TMEM44: variants seen among roughly 807,000 people sequenced by gnomAD.
The protein encoded by TMEM44 is transmembrane protein 44.
Under a neutral mutation model 47.8 loss-of-function variants are expected in TMEM44, and 43 were observed. The observed-to-expected ratio is 0.90, with a 90% CI of 0.70 to 1.16. The LOEUF is 1.16. TMEM44 is among the 50% of genes most tolerant of loss of function. The pLI is 0.00. For missense variants in TMEM44, 568 were observed against 555.2 expected, an observed-to-expected ratio of 1.02 and a Z score of -0.23; for synonymous variants, 277 against 238.8, an observed-to-expected ratio of 1.16 and a Z score of -1.48.
At chr3:194,621,788 C>T (rs1302184924) in intron 5 of TMEM44, among the ~76,000 whole-genome samples, 1 of 151,952 alleles carries the variant, frequency 6.6e-6, no homozygotes, top group Non-Finnish European at 1.5e-5. Context: ...ACGATCTCGG[C>T]TCACTGCAAC....
intron 5 of TMEM44, among the ~76,000 whole-genome samples, chr3:194,620,479 C>G (rs548273321): frequency 1.3e-5 from 2 of 152,092 alleles, no homozygotes; most frequent in Non-Finnish European, 2.9e-5. Context: ...TGTTTGCTGA[C>G]TCCTACCATG....
intron 9 of TMEM44, 84 bp downstream of exon 9, chr3:194,604,203 G>A: frequency 6.7e-7 from 1 of 1,495,840 alleles, no homozygotes; most frequent in Non-Finnish European, 9.1e-7. Flanking sequence ...GATGAGAACA[G>A]CTGCACAAGC....
intron 8 of TMEM44, among the ~76,000 whole-genome samples, chr3:194,609,324 A>G (rs1715077240): frequency 6.6e-6 from 1 of 152,144 alleles, no homozygotes; most frequent in African/African-American, 2.4e-5. Context: ...TGCAGGGCCC[A>G]CCAGGAGCAG....
intron 3 of TMEM44, among the ~76,000 whole-genome samples, chr3:194,625,432 G>GT (rs1351526434): frequency 2.1e-5 from 2 of 95,324 alleles, no homozygotes; most frequent in South Asian, 3.7e-4. Flanking sequence ...TTCTTTTTTG[G>GT]GGGGGGGGGG....
intron 7 of TMEM44, among the ~76,000 whole-genome samples, chr3:194,614,547 G>A (rs1715677964): frequency 6.6e-6 from 1 of 152,092 alleles, no homozygotes. Flanking sequence ...GGGACTACAG[G>A]CACACACCAC....
intron 6 of TMEM44, 45 bp from the exon 7 acceptor site, chr3:194,615,742 C>T: frequency 6.2e-7 from 1 of 1,604,506 alleles, no homozygotes. Flanking sequence ...ATTCCAGCTG[C>T]CTAGCGTGGC....
intron 9 of TMEM44, among the ~76,000 whole-genome samples, chr3:194,591,997 T>C (rs7640761): frequency 0.14 from 20,616 of 151,986 alleles, 1,639 homozygotes; most frequent in East Asian, 0.24. Flanking sequence ...GGCGGGTGGA[T>C]CATGAGGTCA....
At chr3:194,619,992 T>C (rs1716342596) in intron 5 of TMEM44, among the ~76,000 whole-genome samples, 1 of 151,972 alleles carries the variant, frequency 6.6e-6, no homozygotes, top group Admixed American at 6.6e-5. Flanking sequence ...AGTTCTTCCT[T>C]TTACTCAACA....
chr3:194,627,547 G>C (rs1289224855), intron 2 of TMEM44, among the ~76,000 whole-genome samples: 1 of 152,196 alleles, frequency 6.6e-6, no homozygotes, highest in Non-Finnish European at 1.5e-5. Context: ...CATAAGCTGG[G>C]GCTGGGTCAA....
intron 9 of TMEM44, among the ~76,000 whole-genome samples, chr3:194,594,668 T>C (rs1359275373): frequency 6.7e-6 from 1 of 150,062 alleles, no homozygotes; most frequent in Non-Finnish European, 1.5e-5. Flanking sequence ...ATTACTAAAC[T>C]GATGGTTCCA....
At chr3:194,622,001 C>T (rs762223466) in intron 5 of TMEM44, among the ~76,000 whole-genome samples, 24 of 152,208 alleles carry the variant, frequency 1.6e-4, no homozygotes, top group African/African-American at 3.6e-4. Flanking sequence ...CATGAGCCAC[C>T]GCACCCAGCT....
intron 1 of TMEM44, among the ~76,000 whole-genome samples, chr3:194,630,340 C>T (rs2614758): frequency 1.8e-4 from 12 of 67,680 alleles, no homozygotes; most frequent in Admixed American, 4.9e-4. Context: ...ACTGATAGGG[C>T]CCCTGAAATG....
chr3:194,602,865 T>G (rs765008155), intron 9 of TMEM44, among the ~76,000 whole-genome samples: 2 of 152,190 alleles, frequency 1.3e-5, no homozygotes, highest in Non-Finnish European at 2.9e-5. Context: ...TCAACCAATC[T>G]AGGGGACTTA....
chr3:194,626,063 G>T, intron 2 of TMEM44, 73 bp from the exon 3 acceptor site: 1 of 1,233,516 alleles, frequency 8.1e-7, no homozygotes, highest in Admixed American at 1.7e-5. Flanking sequence ...TGTCATCCGG[G>T]ACCCTGTATC....
chr3:194,627,365 G>A (rs1487784700), intron 2 of TMEM44, among the ~76,000 whole-genome samples: 1 of 152,190 alleles, frequency 6.6e-6, no homozygotes, highest in East Asian at 1.9e-4. Context: ...ACCAAGACCA[G>A]TCCCATGAGG....
At chr3:194,617,999 G>A (rs1222591161) in intron 5 of TMEM44, among the ~76,000 whole-genome samples, 1 of 152,158 alleles carries the variant, frequency 6.6e-6, no homozygotes, top group Admixed American at 6.6e-5. Flanking sequence ...CTCCCCAGAA[G>A]CCCAGCAGAT....
At chr3:194,597,538 T>TA (rs2109156441) in intron 9 of TMEM44, among the ~76,000 whole-genome samples, 1 of 151,568 alleles carries the variant, frequency 6.6e-6, no homozygotes, top group Non-Finnish European at 1.5e-5. Flanking sequence ...CAGGTGCCTG[T>TA]AGTCCCAGCT....
chr3:194,592,295 A>T (rs988201900), intron 9 of TMEM44, among the ~76,000 whole-genome samples: 1 of 152,112 alleles, frequency 6.6e-6, no homozygotes, highest in Admixed American at 6.6e-5. Flanking sequence ...ATCCATTTTC[A>T]TATCAGAAAC....
intron 9 of TMEM44, among the ~76,000 whole-genome samples, chr3:194,597,609 G>A (rs1182229865): frequency 6.7e-6 from 1 of 148,846 alleles, no homozygotes; most frequent in Admixed American, 6.7e-5. Flanking sequence ...GCCCTGAGCC[G>A]AGATTGCGCC....
Sources: gnomAD v4.1 joint callset for allele counts (sites outside exome capture counted in the v4.1 genomes callset) on GRCh38, gnomAD v4.1.1 for gene constraint, MANE v1.5 for transcripts, NCBI Gene and HGNC (gene_info 2026-07-23, HGNC 2026-07-21) for gene names.